The following FAR2 variants were observed in gnomAD, a reference collection of about 807,000 sequenced individuals.
The protein encoded by FAR2 is fatty acyl-CoA reductase 2.
A neutral mutation model predicts 56.0 loss-of-function variants in FAR2; 19 were observed. The observed-to-expected ratio is 0.34, with a 90% CI of 0.24 to 0.50. The LOEUF (loss-of-function observed/expected upper bound fraction) is 0.50. Ranked by LOEUF, FAR2 falls within the 20% of genes least tolerant of loss-of-function variation. The pLI, the probability that FAR2 is intolerant of heterozygous loss-of-function variation, is 0.98. For missense variants in FAR2, 508 were observed against 642.2 expected (o/e 0.79, Z 2.26); for synonymous variants, 219 against 218.8 (o/e 1.00, Z -0.01).
chr12:29,328,148 GA>G (rs1313945270), intron 10 of FAR2, among the ~76,000 whole-genome samples: 1 of 152,094 alleles, frequency 6.6e-6, no homozygotes, highest in Non-Finnish European at 1.5e-5. Context: ...AAAAACACAT[GA>G]AAAAATGCTC....
chr12:29,224,946 T>C (rs1947740901), intron 1 of FAR2, among the ~76,000 whole-genome samples: 1 of 152,158 alleles, frequency 6.6e-6, no homozygotes, highest in South Asian at 2.1e-4. Flanking sequence ...GAGCCGAGTG[T>C]AGTGACTCAG....
At chr12:29,327,429 A>G (rs1949667147) in intron 10 of FAR2, among the ~76,000 whole-genome samples, 1 of 152,216 alleles carries the variant, frequency 6.6e-6, no homozygotes, top group Admixed American at 6.5e-5. Context: ...GAACCAAAAA[A>G]GAGCCCGCAT....
At chr12:29,224,406 A>G (rs957589130) in intron 1 of FAR2, among the ~76,000 whole-genome samples, 17 of 152,256 alleles carry the variant, frequency 1.1e-4, no homozygotes, top group African/African-American at 3.9e-4. Context: ...CATAGATTAA[A>G]GTAGCAGGGA....
At position 29,253,207 on chromosome 12, in the gene FAR2, G is replaced by GATATATCGATATCTATCTAGTTAGA. The variant is rs1565489252; in HGVS notation, c.-38-17205_-38-17204insATATATCGATATCTATCTAGTTAGA. ...TCTCTCTATCTATCTATCTAGATAG[G>GATATATCGATATCTATCTAGTTAGA]TATCTATATATCGATATCTATCTAG... On this transcript the variant is annotated intron_variant, in intron 1 of 11. Transcript: ENST00000536681. Among the ~76,000 whole-genome samples, 99 of 84,008 alleles carry GATATATCGATATCTATCTAGTTAGA rather than the reference G, an allele frequency of 1.2e-3. 3 individuals are homozygous for GATATATCGATATCTATCTAGTTAGA. The highest frequency in any genetic ancestry group is 3.7e-3 in the East Asian group (8 of 2,150). 55.1% of individuals were successfully genotyped at this position (84,008 alleles called of 152,430 possible).
chr12:29,303,947 G>A (rs1949216407), intron 4 of FAR2, among the ~76,000 whole-genome samples: 1 of 152,202 alleles, frequency 6.6e-6, no homozygotes, highest in Non-Finnish European at 1.5e-5. Context: ...TCATGTTTGA[G>A]CCTGGCTAGG....
intron 3 of FAR2, among the ~76,000 whole-genome samples, chr12:29,295,312 G>C (rs369571164): frequency 6.8e-4 from 103 of 152,250 alleles, no homozygotes; most frequent in African/African-American, 2.5e-3. Context: ...GACCTCAGGT[G>C]ATCCGCCCGC....
intron 1 of FAR2, among the ~76,000 whole-genome samples, chr12:29,228,141 GA>G (rs58453804): frequency 0.14 from 19,270 of 137,864 alleles, 1,305 homozygotes; most frequent in South Asian, 0.24. Flanking sequence ...TAAAAAAAAG[GA>G]AAAAAAAAAA....
chr12:29,289,082 A>G (rs1213129250), intron 2 of FAR2, among the ~76,000 whole-genome samples: 2 of 152,208 alleles, frequency 1.3e-5, no homozygotes, highest in African/African-American at 4.8e-5. Flanking sequence ...ATGGATTAGA[A>G]GAATCAATAT....
At chr12:29,257,861 G>A (rs1157458723) in intron 1 of FAR2, among the ~76,000 whole-genome samples, 2 of 152,176 alleles carry the variant, frequency 1.3e-5, no homozygotes, top group Non-Finnish European at 2.9e-5. Flanking sequence ...TGAAGTCAGT[G>A]AGACCAAGAA....
intron 1 of FAR2, among the ~76,000 whole-genome samples, chr12:29,177,256 A>T (rs757193820): frequency 1.3e-5 from 2 of 152,204 alleles, no homozygotes; most frequent in Non-Finnish European, 2.9e-5. Flanking sequence ...ATTCCAGTCT[A>T]TTCCAGCTGC....
intron 1 of FAR2, among the ~76,000 whole-genome samples, chr12:29,179,049 A>G (rs962642699): frequency 1.3e-5 from 2 of 151,866 alleles, no homozygotes; most frequent in Non-Finnish European, 2.9e-5. Flanking sequence ...TTCTCTCTGT[A>G]TGTGTTTGTG....
At chr12:29,327,704 G>T (rs1476899634) in intron 10 of FAR2, among the ~76,000 whole-genome samples, 19 of 152,208 alleles carry the variant, frequency 1.2e-4, no homozygotes, top group East Asian at 9.7e-4. Flanking sequence ...TAGCCATATG[G>T]AGAAAGCTGA....
rs114587583 is a variant in FAR2 at position 29,206,846 on chromosome 12, T to C, written c.-39+57439T>C. Among the ~76,000 whole-genome samples the C allele has an allele frequency of 1.7e-3, 260 of 152,236 alleles. 2 individuals are homozygous for C. Among genetic ancestry groups the C allele is most frequent in the African/African-American group, 6.1e-3 (255 of 41,526 alleles). On this transcript the variant is annotated intron_variant, in intron 1 of 11. Transcript: ENST00000536681. ...GCATCAGGGATGAAGTCAGATTTGGTGTGAGCATCGGATAGGTCAGTGATT... is the reference window on the plus strand; with the variant it reads ...GCATCAGGGATGAAGTCAGATTTGGCGTGAGCATCGGATAGGTCAGTGATT...
intron 1 of FAR2, among the ~76,000 whole-genome samples, chr12:29,257,003 A>G (rs929885160): frequency 3.9e-5 from 6 of 152,014 alleles, no homozygotes; most frequent in Admixed American, 3.3e-4. Flanking sequence ...AGTCCCATCG[A>G]CCACCCAAGG....
chr12:29,205,384 A>C (rs569226673), intron 1 of FAR2, among the ~76,000 whole-genome samples: 1 of 152,206 alleles, frequency 6.6e-6, no homozygotes, highest in Non-Finnish European at 1.5e-5. Flanking sequence ...TGTTATACCA[A>C]AATTTGTTCT....
At position 29,311,073 on chromosome 12, in the gene FAR2, G is replaced by T. The variant is rs1258591877; in HGVS notation, c.814G>T (p.Val272Leu). ...LRAIKATPMA[V>L]ADVIPVDTVV... ...GGCCATAAAAGCTACTCCAATGGCTGTGGCAGACGTAATTCCAGTTGATAC... is the reference window on the plus strand; with the variant it reads ...GGCCATAAAAGCTACTCCAATGGCTTTGGCAGACGTAATTCCAGTTGATAC... Residue 272 changes from valine to leucine, a missense_variant, in exon 7 of 12, where the codon GTG becomes TTG. Val to Leu is a conservative substitution (Grantham distance 32). Transcript: ENST00000536681. 1.2e-6 allele frequency: 2 copies of T among 1,613,676 alleles called. No homozygotes were observed. Among genetic ancestry groups the T allele is most frequent in the Non-Finnish European group, 1.7e-6 (2 of 1,179,660 alleles).
chr12:29,168,244 TG>T (rs1462995474), intron 1 of FAR2, among the ~76,000 whole-genome samples: 6 of 152,298 alleles, frequency 3.9e-5, no homozygotes, highest in Admixed American at 2.6e-4. Flanking sequence ...GATGAACCTT[TG>T]CCTTTGCTGA....
intron 10 of FAR2, among the ~76,000 whole-genome samples, chr12:29,324,703 A>C (rs1004842010): frequency 1.3e-4 from 20 of 152,206 alleles, no homozygotes; most frequent in Non-Finnish European, 2.8e-4. Flanking sequence ...AAATGCTGAG[A>C]GATTTTGTCA....
At chr12:29,332,538 G>T in intron 10 of FAR2, 62 bp from the exon 11 acceptor site, 1 of 1,602,446 alleles carries the variant, frequency 6.2e-7, no homozygotes. Flanking sequence ...GAAACCTCAA[G>T]TGGACAAAGT....
Sources: allele counts gnomAD v4.1 joint callset (sites outside exome capture counted in the v4.1 genomes callset), GRCh38; gene constraint gnomAD v4.1.1; transcripts MANE v1.5; gene names NCBI Gene and HGNC (gene_info 2026-07-23, HGNC 2026-07-21).